BSPRY: variants seen among roughly 807,000 people sequenced by gnomAD.
BSPRY encodes the protein B-box and SPRY domain containing, also known as B box and SPRY domain-containing protein.
A neutral mutation model predicts 38.0 loss-of-function variants in BSPRY; 33 were observed. That is an observed-to-expected ratio of 0.87 (90% CI 0.66 to 1.16). The LOEUF (loss-of-function observed/expected upper bound fraction) is 1.16. BSPRY is among the 50% of genes most tolerant of loss of function. BSPRY has a pLI of 0.00. For synonymous variants in BSPRY, 224 were observed against 228.5 expected, an observed-to-expected ratio of 0.98 and a Z score of 0.18; for missense variants, 523 against 533.2, an observed-to-expected ratio of 0.98 and a Z score of 0.19.
intron 4 of BSPRY, among the ~76,000 whole-genome samples, chr9:113,364,985 G>A (rs1834224453): frequency 6.7e-6 from 1 of 149,332 alleles, no homozygotes; most frequent in African/African-American, 2.5e-5. Flanking sequence ...AAGAGTCAAG[G>A]CCAGTTTTAT....
intron 4 of BSPRY, among the ~76,000 whole-genome samples, chr9:113,365,272 C>T (rs1448227217): frequency 2.0e-5 from 3 of 152,168 alleles, no homozygotes; most frequent in Non-Finnish European, 2.9e-5. Flanking sequence ...CAGACTTTCT[C>T]CCAATAGTTT....
At chr9:113,350,475 C>T (rs568828917) in intron 1 of BSPRY, among the ~76,000 whole-genome samples, 10 of 152,282 alleles carry the variant, frequency 6.6e-5, no homozygotes, top group African/African-American at 2.4e-4. Flanking sequence ...TTTCTCGCCA[C>T]CTCCACTTCC....
Position 113,370,226 on chromosome 9 carries a change from G to C in BSPRY, c.*84G>C, listed in dbSNP as rs1834325721. 3 of 1,459,656 alleles carry C rather than the reference G, an allele frequency of 2.1e-6. No homozygotes were observed. The highest frequency in any genetic ancestry group is 2.8e-5 in the African/African-American group (2 of 70,490). The allele number at this position is 1,459,656 out of a possible 1,614,324, so 90.4% of individuals were successfully genotyped here. On this transcript the variant is annotated 3_prime_UTR_variant, in exon 6 of 6. Transcript: ENST00000374183. This position sits in a 1 kb window ranked among gnomAD's most constrained non-coding sequence, Gnocchi z 4.8. ...TCAGTGTGCTTTTCCCAAATGATGT[G>C]TGTGGTGTTTCTAAGAGAAACAGGG...
intron 4 of BSPRY, among the ~76,000 whole-genome samples, chr9:113,365,108 G>C (rs1473051667): frequency 6.6e-6 from 1 of 151,940 alleles, no homozygotes; most frequent in Non-Finnish European, 1.5e-5. Flanking sequence ...CATATCTGGG[G>C]GCACATGATG....
At chr9:113,355,236 G>A (rs1468578272) in intron 2 of BSPRY, among the ~76,000 whole-genome samples, 1 of 152,216 alleles carries the variant, frequency 6.6e-6, no homozygotes, top group East Asian at 1.9e-4. Flanking sequence ...CAGGGGCAGA[G>A]CCTATGAATT....
At chr9:113,359,207 A>T (rs1456114175) in intron 2 of BSPRY, among the ~76,000 whole-genome samples, 1 of 152,206 alleles carries the variant, frequency 6.6e-6, no homozygotes, top group Admixed American at 6.5e-5. Flanking sequence ...CAGATTAGAA[A>T]ATAGAGGCAT....
At position 113,370,407 on chromosome 9, in the gene BSPRY, A is replaced by T; in HGVS notation, c.*265A>T. Reference sequence around the variant, plus strand: ...TAAAATACACTAACGATAGCTGATGAGCTAAAAAAAAAAAAAAAGTCTGTG... The same window carrying T: ...TAAAATACACTAACGATAGCTGATGTGCTAAAAAAAAAAAAAAAGTCTGTG... On this transcript the variant is annotated 3_prime_UTR_variant, in exon 6 of 6. Coordinates refer to ENST00000374183, the MANE Select transcript of BSPRY (RefSeq NM_017688.3). The surrounding 1 kb of genome is among the most constrained non-coding windows in gnomAD (Gnocchi z 4.8). 1 of 297,030 alleles carries T rather than the reference A, an allele frequency of 3.4e-6. No homozygotes were observed. The allele number at this position is 297,030 out of a possible 1,614,324, so 18.4% of individuals were successfully genotyped here. A position where few individuals can be genotyped will look rare whatever the true frequency, so the allele number is the denominator to read the frequency against.
chr9:113,349,737 G>T lies in BSPRY; in HGVS notation c.158G>T (p.Gly53Val). The T allele has an allele frequency of 8.1e-7, 1 of 1,239,670 alleles. No individual in the cohort carries two copies. The highest frequency in any genetic ancestry group is 1.0e-6 in the Non-Finnish European group (1 of 993,674). The allele number at this position is 1,239,670 out of a possible 1,614,324, so 76.8% of individuals were successfully genotyped here. ...ACAGLGGRCR[G>V]HRIRRAEERA... ...GCGGGGTTGGGCGGTCGCTGCCGGG[G>T]GCACCGCATCCGCCGGGCGGAGGAG... The change falls in exon 1 of 6, where the codon GGG becomes GTG. Residue 53 changes from glycine (G) to valine (V), a missense_variant. By Grantham distance (109) the Gly-to-Val change is moderately radical (BLOSUM62 -3). Transcript: ENST00000374183.
chr9:113,349,826 G>A, intron 1 of BSPRY, 46 bp downstream of exon 1: 2 of 1,210,586 alleles, frequency 1.7e-6, no homozygotes, highest in Non-Finnish European at 2.1e-6. Context: ...GGAGACCCCG[G>A]GCGCGCCTGG....
At position 113,370,298 on chromosome 9, in the gene BSPRY, A is replaced by G. The variant is rs1204201981; in HGVS notation, c.*156A>G. 3.4e-6 allele frequency: 3 copies of G among 875,940 alleles called. No homozygotes were observed. The highest frequency in any genetic ancestry group is 1.7e-5 in the African/African-American group (1 of 58,284). 54.3% of individuals were successfully genotyped at this position (875,940 alleles called of 1,614,324 possible). ...TAGGAGGGATGGGGATCTGTTTCAG[A>G]TCTAGGCATAACCTGTAAATCACAG... On this transcript the variant is annotated 3_prime_UTR_variant, in exon 6 of 6. Coordinates refer to ENST00000374183, the MANE Select transcript of BSPRY (RefSeq NM_017688.3). This position sits in a 1 kb window ranked among gnomAD's most constrained non-coding sequence, Gnocchi z 4.8.
intron 2 of BSPRY, among the ~76,000 whole-genome samples, chr9:113,354,548 T>G (rs1281418633): frequency 6.6e-6 from 1 of 152,176 alleles, no homozygotes; most frequent in Non-Finnish European, 1.5e-5. Context: ...TGCTAGCAAA[T>G]GACTTTCTTG....
chr9:113,354,311 C>A lies in BSPRY; in HGVS notation c.273C>A (p.Val91=). ...SAAITKYVAD[V]LPGKNQRAVS... ...CCATCACCAAGTATGTGGCGGACGT[C>A]CTGCCGGGGAAGAATCAAAGAGCAG... Residue 91 remains valine, a synonymous_variant, in exon 2 of 6, where the codon GTC becomes GTA. Transcript: ENST00000374183. 1.2e-6 allele frequency: 2 copies of A among 1,614,106 alleles called. No individual in the cohort carries two copies. The highest frequency in any genetic ancestry group is 1.3e-5 in the African/African-American group (1 of 75,020).
chr9:113,356,069 G>GCCTACATTCTT (rs771467430), intron 2 of BSPRY, among the ~76,000 whole-genome samples: 11 of 152,212 alleles, frequency 7.2e-5, no homozygotes, highest in Non-Finnish European at 1.6e-4. Context: ...TTTTCATGAA[G>GCCTACATTCTT]CCTACATTCT....
In BSPRY at chr9:113,354,339, G is replaced by A; in HGVS notation, c.300+1G>A. On this transcript the variant is annotated splice_donor_variant, in intron 2 of 5. Coordinates refer to ENST00000374183, the MANE Select transcript of BSPRY (RefSeq NM_017688.3). LOFTEE classifies it high-confidence loss of function. ...GCCGGGGAAGAATCAAAGAGCAGTG[G>A]TAATTCCTCTTCTTTCCTCTCTACT... 6.2e-7 allele frequency: 1 copy of A among 1,612,632 alleles called. No homozygotes were observed. The highest frequency in any genetic ancestry group is 1.7e-5 in the Admixed American group (1 of 59,992).
intron 5 of BSPRY, among the ~76,000 whole-genome samples, chr9:113,369,167 AG>A (rs1834299492): frequency 2.0e-5 from 3 of 152,306 alleles, no homozygotes; most frequent in African/African-American, 4.8e-5. Flanking sequence ...CTGTGTTTCT[AG>A]GACACGTCCA....
intron 5 of BSPRY, 94 bp downstream of exon 5, chr9:113,368,477 T>G: frequency 6.7e-7 from 1 of 1,485,344 alleles, no homozygotes; most frequent in African/African-American, 1.4e-5. Flanking sequence ...GACCCGTGCT[T>G]CTGAGATGAT....
intron 4 of BSPRY, among the ~76,000 whole-genome samples, chr9:113,363,647 G>A (rs188079133): frequency 0.017 from 2,562 of 151,834 alleles, 41 homozygotes; most frequent in Non-Finnish European, 0.025. Flanking sequence ...TTGGGAGGCC[G>A]AGGAAGGTGG....
Position 113,349,551 on chromosome 9 carries a change from G to T in BSPRY, c.-29G>T. 1.4e-5 allele frequency: 16 copies of T among 1,121,388 alleles called. No homozygotes were observed. Among genetic ancestry groups the T allele is most frequent in the Non-Finnish European group, 1.7e-5 (16 of 918,322 alleles). 69.5% of individuals were successfully genotyped at this position (1,121,388 alleles called of 1,614,324 possible). A position where few individuals can be genotyped will look rare whatever the true frequency, so the allele number is the denominator to read the frequency against. The stretch of plus-strand genomic sequence containing the variant: ...GCCCCGCCCGCCGCCACCTGCGACA[G>T]GTGGAGCGCACGGGGCGGGCGCACG... On this transcript the variant is annotated 5_prime_UTR_variant, in exon 1 of 6. In the 5' UTR this introduces an upstream ATG that the reference lacks. Coordinates refer to ENST00000374183, the MANE Select transcript of BSPRY (RefSeq NM_017688.3).
intron 2 of BSPRY, among the ~76,000 whole-genome samples, chr9:113,360,062 G>A (rs1834123245): frequency 6.6e-6 from 1 of 152,160 alleles, no homozygotes; most frequent in African/African-American, 2.4e-5. Flanking sequence ...GAAGTCATCA[G>A]TTTTTTCCCT....
Sources: allele counts gnomAD v4.1 joint callset (sites outside exome capture counted in the v4.1 genomes callset), GRCh38; gene constraint gnomAD v4.1.1; non-coding constraint Gnocchi (gnomAD v3.1); transcripts MANE v1.5; gene names NCBI Gene and HGNC (gene_info 2026-07-23, HGNC 2026-07-21).